Variants in SAFB2 observed in about 807,000 individuals in gnomAD.
SAFB2 encodes the protein scaffold attachment factor B2.
In SAFB2, 32 loss-of-function variants were observed where a neutral mutation model predicts 100.6. That is an observed-to-expected ratio of 0.32 (90% CI 0.24 to 0.43). The LOEUF is 0.43. Ranked by LOEUF, SAFB2 falls within the 20% of genes least tolerant of loss-of-function variation. The probability of loss-of-function intolerance (pLI) is 1.00; values close to 1 mark genes in which losing one functional copy is unlikely to be tolerated. For synonymous variants in SAFB2, 500 were observed against 439.4 expected (o/e 1.14, Z -1.72); for missense variants, 1,185 against 1,163.4 (o/e 1.02, Z -0.27).
intron 9 of SAFB2, among the ~76,000 whole-genome samples, chr19:5,609,051 CAAAAAAAAAAAAA>C (rs60419324): frequency 2.8e-5 from 2 of 72,702 alleles, no homozygotes; most frequent in Non-Finnish European, 5.1e-5. Context: ...GACGCAGTCT[CAAAAAAAAAAAAA>C]AAAAAAAAAA....
At chr19:5,615,478 C>T (rs1195343532) in intron 4 of SAFB2, among the ~76,000 whole-genome samples, 4 of 151,806 alleles carry the variant, frequency 2.6e-5, no homozygotes, top group South Asian at 2.1e-4. Flanking sequence ...GAGGCTGAGG[C>T]GGGAGGATTG....
At chr19:5,617,400 A>C (rs755751996) in intron 2 of SAFB2, among the ~76,000 whole-genome samples, 1 of 152,228 alleles carries the variant, frequency 6.6e-6, no homozygotes, top group Non-Finnish European at 1.5e-5. Context: ...AGAGGAGTTC[A>C]AGAGTGGAAA....
chr19:5,588,074 G>A (rs1485184811), intron 18 of SAFB2, 94 bp from the exon 19 acceptor site: 3 of 1,091,278 alleles, frequency 2.7e-6, no homozygotes, highest in Non-Finnish European at 3.9e-6. Context: ...CTGCATGGTG[G>A]GTCATGCCAC....
rs373407062 is a variant in SAFB2 at position 5,591,775 on chromosome 19, T to C, written c.2367A>G (p.Pro789=). The C allele has an allele frequency of 6.2e-7, 1 of 1,614,038 alleles. No homozygotes were observed. The highest frequency in any genetic ancestry group is 2.2e-5 in the East Asian group (1 of 44,868). ...HAIDRREGSR[P]MMGDHRDGQH... ...GCCCATCCCGGTGGTCTCCCATCATTGGCCTCGAACCCTCCCGCCTGCAAA... is the reference window on the plus strand; with the variant it reads ...GCCCATCCCGGTGGTCTCCCATCATCGGCCTCGAACCCTCCCGCCTGCAAA... The change falls in exon 17 of 21, where the codon CCA becomes CCG. Residue 789 remains proline (P), a synonymous_variant. Transcript: ENST00000252542.
At chr19:5,599,770 T>TG (rs950463628) in intron 12 of SAFB2, among the ~76,000 whole-genome samples, 1 of 76,246 alleles carries the variant, frequency 1.3e-5, no homozygotes, top group African/African-American at 5.6e-5. Context: ...TAACATAATG[T>TG]GGGAAAACTT....
At chr19:5,604,521 A>C (rs1180631099) in intron 11 of SAFB2, 62 bp downstream of exon 11, 8 of 1,273,932 alleles carry the variant, frequency 6.3e-6, no homozygotes, top group Non-Finnish European at 9.1e-6. Flanking sequence ...TTCAAGGCCC[A>C]TGGTGGCTGC....
intron 8 of SAFB2, 105 bp from the exon 9 acceptor site, chr19:5,610,200 C>A (rs1436513833): frequency 2.4e-6 from 2 of 845,550 alleles, no homozygotes; most frequent in Non-Finnish European, 2.0e-6. Flanking sequence ...ACGCCCAATC[C>A]CAACTGCTGA....
chr19:5,590,090 C>A (rs1333544406), intron 18 of SAFB2, among the ~76,000 whole-genome samples, 188 bp downstream of exon 18: 7 of 152,200 alleles, frequency 4.6e-5, no homozygotes, highest in African/African-American at 1.7e-4. Flanking sequence ...TCCCTGAAAG[C>A]CTGTTCTATG....
intron 4 of SAFB2, among the ~76,000 whole-genome samples, chr19:5,614,195 C>T (rs1278436376): frequency 3.9e-5 from 6 of 152,170 alleles, no homozygotes; most frequent in Non-Finnish European, 5.9e-5. Flanking sequence ...TCAGGTGATC[C>T]GCCCACCTCA....
chr19:5,611,893 T>C (rs183096077), intron 6 of SAFB2: 13 of 595,804 alleles, frequency 2.2e-5, no homozygotes, highest in African/African-American at 5.6e-5. Context: ...TGGTTCTCAA[T>C]AGTCTTCTTC....
rs771757127 is a variant in SAFB2 at position 5,587,169 on chromosome 19, C to T, written c.*74G>A. On this transcript the variant is annotated 3_prime_UTR_variant, in exon 21 of 21. Transcript: ENST00000252542. The surrounding 1 kb of genome is among the most constrained non-coding windows in gnomAD (Gnocchi z 4.9). ...TTTACTTTGCTTTTAAAAAGATCCCCCAAGTTCGAGGGAACCCTGGCTACC... is the reference window on the plus strand; with the variant it reads ...TTTACTTTGCTTTTAAAAAGATCCCTCAAGTTCGAGGGAACCCTGGCTACC... The T allele has an allele frequency of 7.5e-5, 119 of 1,577,528 alleles. No individual in the cohort carries two copies. Among genetic ancestry groups the T allele is most frequent in the Non-Finnish European group, 1.0e-4 (117 of 1,154,946 alleles).
chr19:5,620,268 C>T (rs978018939), intron 2 of SAFB2, among the ~76,000 whole-genome samples: 3 of 152,134 alleles, frequency 2.0e-5, no homozygotes, highest in Non-Finnish European at 2.9e-5. Flanking sequence ...GAAGAAAAAG[C>T]TATTAAAAAA....
At chr19:5,619,094 G>A (rs2053091142) in intron 2 of SAFB2, among the ~76,000 whole-genome samples, 1 of 152,190 alleles carries the variant, frequency 6.6e-6, no homozygotes, top group Middle Eastern at 3.2e-3. Flanking sequence ...GCTGCATAGT[G>A]CTTGAAACGA....
chr19:5,590,835 G>A (rs1162326756), intron 17 of SAFB2, among the ~76,000 whole-genome samples: 2 of 152,240 alleles, frequency 1.3e-5, no homozygotes, highest in Admixed American at 1.3e-4. Context: ...TCTGCACGGA[G>A]CAGCCAGCAG....
intron 9 of SAFB2, among the ~76,000 whole-genome samples, chr19:5,607,417 G>A (rs199832621): frequency 6.6e-6 from 1 of 152,176 alleles, no homozygotes; most frequent in East Asian, 1.9e-4. Flanking sequence ...GACGGGAGGG[G>A]AAATGCAAGT....
chr19:5,614,472 T>C (rs2052979732), intron 4 of SAFB2, among the ~76,000 whole-genome samples: 1 of 152,208 alleles, frequency 6.6e-6, no homozygotes, highest in Admixed American at 6.5e-5. Flanking sequence ...GTACACACTC[T>C]GAAAACAATA....
At position 5,593,750 on chromosome 19, in the gene SAFB2, G is replaced by C; in HGVS notation, c.2207+141C>G. 3 of 904,414 alleles carry C rather than the reference G, an allele frequency of 3.3e-6. No individual in the cohort carries two copies. The South Asian group carries it at 6.5e-5, about 20-fold the overall frequency. The allele number at this position is 904,414 out of a possible 1,614,324, so 56.0% of individuals were successfully genotyped here. On this transcript the variant is annotated intron_variant, in intron 15 of 20. Coordinates refer to ENST00000252542, the MANE Select transcript of SAFB2 (RefSeq NM_014649.3). ...TGCAGCAGCGCAGTGAGATCGGCGG[G>C]GGGTCCCCAAGGCGCATGCTCCATA...
chr19:5,594,690 CCAAGGT>C (rs1231593328), intron 14 of SAFB2, among the ~76,000 whole-genome samples: 1 of 152,152 alleles, frequency 6.6e-6, no homozygotes, highest in Non-Finnish European at 1.5e-5. Flanking sequence ...TCCACACGGG[CCAAGGT>C]CCAACATCAG....
At chr19:5,598,696 A>T in intron 13 of SAFB2, 97 bp downstream of exon 13, 1 of 1,141,400 alleles carries the variant, frequency 8.8e-7, no homozygotes, top group Non-Finnish European at 1.3e-6. Context: ...CTTCAATTTT[A>T]AAGGCAAAAC....
Sources: allele counts gnomAD v4.1 joint callset (sites outside exome capture counted in the v4.1 genomes callset), GRCh38; gene constraint gnomAD v4.1.1; non-coding constraint Gnocchi (gnomAD v3.1); transcripts MANE v1.5; gene names NCBI Gene and HGNC (gene_info 2026-07-23, HGNC 2026-07-21).